IFT80: variants seen among roughly 807,000 people sequenced by gnomAD.
IFT80 encodes intraflagellar transport 80, also known as intraflagellar transport protein 80 homolog.
In IFT80, 79 loss-of-function variants were observed where a neutral mutation model predicts 107.9. The observed-to-expected ratio is 0.73, with a 90% CI of 0.61 to 0.88. The LOEUF (loss-of-function observed/expected upper bound fraction) is 0.88. IFT80 is among the 40% of genes least tolerant of loss of function. The probability of loss-of-function intolerance (pLI) is 0.00; values close to 1 mark genes in which losing one functional copy is unlikely to be tolerated. For synonymous variants in IFT80, 299 were observed against 300.9 expected (o/e 0.99, Z 0.07); for missense variants, 797 against 914.2 (o/e 0.87, Z 1.65).
intron 5 of IFT80, among the ~76,000 whole-genome samples, chr3:160,374,464 T>C (rs1180395598): frequency 2.0e-5 from 3 of 150,646 alleles, no homozygotes. Flanking sequence ...TGGTGGATAG[T>C]GGGATGGGCT....
intron 8 of IFT80, among the ~76,000 whole-genome samples, chr3:160,338,968 A>G (rs1274623851): frequency 6.6e-6 from 1 of 152,196 alleles, no homozygotes; most frequent in African/African-American, 2.4e-5. Flanking sequence ...AAAACAAGCA[A>G]GTTTACTATT....
At chr3:160,318,031 C>T (rs1717942773) in intron 9 of IFT80, among the ~76,000 whole-genome samples, 1 of 150,926 alleles carries the variant, frequency 6.6e-6, no homozygotes, top group Non-Finnish European at 1.5e-5. Context: ...AAACAGAGTC[C>T]TTATCTTTTA....
intron 11 of IFT80, among the ~76,000 whole-genome samples, chr3:160,302,520 G>A (rs1285826268): frequency 6.6e-6 from 1 of 152,030 alleles, no homozygotes; most frequent in African/African-American, 2.4e-5. Flanking sequence ...CACCCTGTTT[G>A]AAGGGGCAAA....
At chr3:160,261,626 C>G (rs1240628430) in intron 19 of IFT80, among the ~76,000 whole-genome samples, 2 of 149,794 alleles carry the variant, frequency 1.3e-5, no homozygotes, top group Non-Finnish European at 3.0e-5. Flanking sequence ...ATAGTGAGAC[C>G]CTGTCTATAC....
intron 9 of IFT80, among the ~76,000 whole-genome samples, chr3:160,313,801 G>A (rs569555415): frequency 1.3e-5 from 2 of 151,932 alleles, no homozygotes; most frequent in Non-Finnish European, 2.9e-5. Context: ...AGTAGAGACG[G>A]GGTTTCACTA....
chr3:160,320,037 A>C, intron 8 of IFT80, 98 bp from the exon 9 acceptor site: 1 of 787,008 alleles, frequency 1.3e-6, no homozygotes. Context: ...ATCATTTTTA[A>C]AAGAATGTCT....
At chr3:160,306,410 ATC>A (rs902658039) in intron 10 of IFT80, among the ~76,000 whole-genome samples, 1 of 152,174 alleles carries the variant, frequency 6.6e-6, no homozygotes, top group African/African-American at 2.4e-5. Context: ...AACTGAAAAG[ATC>A]TCTGTTTTCC....
intron 3 of IFT80, among the ~76,000 whole-genome samples, chr3:160,380,077 G>A (rs1225617198): frequency 6.7e-6 from 1 of 149,934 alleles, no homozygotes; most frequent in African/African-American, 2.5e-5. Flanking sequence ...TCTGTGCCCA[G>A]GATAGAGTGC....
At chr3:160,267,411 G>C (rs1367320696) in intron 19 of IFT80, among the ~76,000 whole-genome samples, 2 of 152,124 alleles carry the variant, frequency 1.3e-5, no homozygotes, top group South Asian at 2.1e-4. Context: ...AGACATAAGA[G>C]GCTGTATCTG....
intron 12 of IFT80, among the ~76,000 whole-genome samples, chr3:160,300,679 T>C (rs1050649997): frequency 6.6e-6 from 1 of 152,108 alleles, no homozygotes; most frequent in Non-Finnish European, 1.5e-5. Context: ...TGTGACAATA[T>C]CTGTTTGTTC....
rs574860967 is a variant in IFT80 at position 160,375,874 on chromosome 3, T to G, written c.377A>C (p.Glu126Ala). 44 of 1,604,234 alleles carry G rather than the reference T, an allele frequency of 2.7e-5. No homozygotes were observed. In the Middle Eastern group the frequency reaches 8.3e-4, roughly 30 times the overall value. Residue 126 changes from glutamate (E) to alanine (A), a missense_variant, in exon 5 of 20, where the codon GAA becomes GCA. Transcript: ENST00000326448. Reference protein sequence around the residue: ...YEGTALVTVGEDGQIKIWSKT... With the variant: ...YEGTALVTVGADGQIKIWSKT... ...TGACCAAATTTTTATTTGTCCATCT[T>G]CTCCAACTATACAGGGAAAAAAAAA...
intron 7 of IFT80, 104 bp from the exon 8 acceptor site, chr3:160,356,254 C>T: frequency 2.1e-6 from 2 of 955,430 alleles, no homozygotes; most frequent in South Asian, 3.4e-5. Context: ...TAACAGACAC[C>T]ACATAAAAAC....
chr3:160,381,367 A>G, intron 3 of IFT80, 136 bp downstream of exon 3: 1 of 723,050 alleles, frequency 1.4e-6, no homozygotes, highest in South Asian at 1.7e-5. Context: ...GTGACTATTC[A>G]GAAAAGAAAT....
At chr3:160,267,691 C>T (rs1315944934) in intron 19 of IFT80, among the ~76,000 whole-genome samples, 1 of 152,096 alleles carries the variant, frequency 6.6e-6, no homozygotes, top group Non-Finnish European at 1.5e-5. Context: ...TTCTGGGTCT[C>T]CTTGTGGGCT....
At position 160,296,203 on chromosome 3, in the gene IFT80, T is replaced by TA. The variant is rs1201172128; in HGVS notation, c.1315+4679dup. ...ATCAAATAAAAATAAATTTCAATCC[T>TA]AAAAAAAACTGCCTGGAAGCCACTA... is the stretch of plus-strand genomic sequence containing the variant. On this transcript the variant is annotated intron_variant, in intron 12 of 19. Transcript: ENST00000326448. 7.2e-5 allele frequency among the ~76,000 whole-genome samples: 11 copies of TA among 151,970 alleles called. No homozygotes were observed. In the East Asian group the frequency reaches 1.7e-3, roughly 24 times the overall value.
chr3:160,282,272 CCT>C (rs2108234118), intron 14 of IFT80, among the ~76,000 whole-genome samples: 2 of 152,020 alleles, frequency 1.3e-5, no homozygotes, highest in Non-Finnish European at 2.9e-5. Flanking sequence ...AGAGTGAGAC[CCT>C]GTCTCAATAA....
At chr3:160,362,717 C>T (rs972253338) in intron 6 of IFT80, among the ~76,000 whole-genome samples, 1 of 152,030 alleles carries the variant, frequency 6.6e-6, no homozygotes, top group Non-Finnish European at 1.5e-5. Context: ...ATTCAACATA[C>T]GCAAATAAAG....
At chr3:160,269,186 G>A (rs947377124) in intron 18 of IFT80, among the ~76,000 whole-genome samples, 3 of 149,122 alleles carry the variant, frequency 2.0e-5, no homozygotes, top group Admixed American at 6.8e-5. Flanking sequence ...CTGAGATCGC[G>A]CCACTGCATT....
intron 8 of IFT80, among the ~76,000 whole-genome samples, chr3:160,334,699 G>A (rs1719337315): frequency 1.3e-5 from 2 of 152,130 alleles, no homozygotes; most frequent in African/African-American, 4.8e-5. Flanking sequence ...ACAGGCGTGG[G>A]CCACTGTGCC....
Sources: gnomAD v4.1 joint callset for allele counts (sites outside exome capture counted in the v4.1 genomes callset) on GRCh38, gnomAD v4.1.1 for gene constraint, MANE v1.5 for transcripts, NCBI Gene and HGNC (gene_info 2026-07-23, HGNC 2026-07-21) for gene names.